CADPS2: variants seen among roughly 807,000 people sequenced by gnomAD.
CADPS2 encodes calcium dependent secretion activator 2, also known as calcium-dependent secretion activator 2.
Under a neutral mutation model 172.5 loss-of-function variants are expected in CADPS2, and 93 were observed. That is an observed-to-expected ratio of 0.54 (90% confidence interval 0.46 to 0.64). CADPS2 has a LOEUF of 0.64. CADPS2 is among the 30% of genes least tolerant of loss of function. The probability of loss-of-function intolerance (pLI) is 0.00; values close to 1 mark genes in which losing one functional copy is unlikely to be tolerated. For missense variants in CADPS2, 1,420 were observed against 1,565.9 expected, an observed-to-expected ratio of 0.91 and a Z score of 1.57; for synonymous variants, 546 against 555.2, an observed-to-expected ratio of 0.98 and a Z score of 0.23.
chr7:122,464,078 C>A (rs1363545934), intron 14 of CADPS2, among the ~76,000 whole-genome samples: 1 of 152,080 alleles, frequency 6.6e-6, no homozygotes, highest in Non-Finnish European at 1.5e-5. Context: ...CTCTAAAAAA[C>A]AAACAAACAA....
At chr7:122,793,948 A>T (rs1795823090) in intron 1 of CADPS2, among the ~76,000 whole-genome samples, 2 of 152,108 alleles carry the variant, frequency 1.3e-5, no homozygotes, top group African/African-American at 4.8e-5. Flanking sequence ...AATGTTGAGT[A>T]TTGACCCCCA....
At chr7:122,402,023 C>A (rs1486779490) in intron 20 of CADPS2, among the ~76,000 whole-genome samples, 10 of 152,142 alleles carry the variant, frequency 6.6e-5, no homozygotes, top group South Asian at 2.1e-4. Flanking sequence ...ACACCCCAGA[C>A]AGATGTTTTT....
At chr7:122,599,280 G>A (rs1418007983) in intron 6 of CADPS2, among the ~76,000 whole-genome samples, 1 of 152,066 alleles carries the variant, frequency 6.6e-6, no homozygotes, top group African/African-American at 2.4e-5. Context: ...AGCTGGAGAT[G>A]CAAGAGGTAC....
At chr7:122,558,975 A>C (rs1473084995) in intron 7 of CADPS2, among the ~76,000 whole-genome samples, 1 of 152,186 alleles carries the variant, frequency 6.6e-6, no homozygotes, top group Admixed American at 6.5e-5. Flanking sequence ...CAGACAATTC[A>C]CTACCTTCTC....
At chr7:122,634,818 T>C (rs1244637431) in intron 3 of CADPS2, among the ~76,000 whole-genome samples, 1 of 152,168 alleles carries the variant, frequency 6.6e-6, no homozygotes, top group Non-Finnish European at 1.5e-5. Flanking sequence ...TAACACTGCT[T>C]TAGCGGCATC....
chr7:122,862,997 CTTTT>C (rs763434648), intron 1 of CADPS2, among the ~76,000 whole-genome samples: 1 of 152,044 alleles, frequency 6.6e-6, no homozygotes, highest in African/African-American at 2.4e-5. Flanking sequence ...ACACTATTCT[CTTTT>C]TTTGACATTT....
At chr7:122,668,856 T>G (rs1272227410) in intron 2 of CADPS2, among the ~76,000 whole-genome samples, 3 of 152,216 alleles carry the variant, frequency 2.0e-5, no homozygotes, top group Admixed American at 1.3e-4. Flanking sequence ...CACCACTTTA[T>G]TCATCTGCCT....
At chr7:122,675,742 T>C (rs1428251410) in intron 2 of CADPS2, among the ~76,000 whole-genome samples, 2 of 151,984 alleles carry the variant, frequency 1.3e-5, no homozygotes, top group Non-Finnish European at 2.9e-5. Flanking sequence ...CACCATACAT[T>C]CTCACTCATA....
chr7:122,868,318 A>G (rs930981559), intron 1 of CADPS2, among the ~76,000 whole-genome samples: 1 of 152,260 alleles, frequency 6.6e-6, no homozygotes, highest in African/African-American at 2.4e-5. Context: ...GACCAAGAGT[A>G]CAAGATTCTT....
At chr7:122,420,695 C>T (rs1268417998) in intron 17 of CADPS2, among the ~76,000 whole-genome samples, 1 of 152,186 alleles carries the variant, frequency 6.6e-6, no homozygotes, top group African/African-American at 2.4e-5. Context: ...AGCTTCACAC[C>T]AAATTGCTGA....
At chr7:122,739,758 T>C (rs1323130952) in intron 1 of CADPS2, among the ~76,000 whole-genome samples, 1 of 152,144 alleles carries the variant, frequency 6.6e-6, no homozygotes, top group Non-Finnish European at 1.5e-5. Context: ...AAAAGAAAAC[T>C]AAACTTAAAA....
chr7:122,867,921 T>C (rs1264663660), intron 1 of CADPS2, among the ~76,000 whole-genome samples: 1 of 152,086 alleles, frequency 6.6e-6, no homozygotes, highest in African/African-American at 2.4e-5. Context: ...ATGGGCCTCT[T>C]CATACCTGAA....
intron 3 of CADPS2, among the ~76,000 whole-genome samples, chr7:122,640,490 C>G (rs7809458): frequency 0.23 from 33,102 of 146,010 alleles, 4,080 homozygotes; most frequent in African/African-American, 0.35. Context: ...CACACACACA[C>G]AGAGATAGAG....
intron 18 of CADPS2, among the ~76,000 whole-genome samples, chr7:122,415,328 G>A (rs1288563505): frequency 6.6e-6 from 1 of 152,054 alleles, no homozygotes; most frequent in Non-Finnish European, 1.5e-5. Flanking sequence ...TCATGGCATA[G>A]GGGGAAAAGC....
At chr7:122,432,108 T>A (rs2050013870) in intron 17 of CADPS2, among the ~76,000 whole-genome samples, 1 of 152,150 alleles carries the variant, frequency 6.6e-6, no homozygotes. Flanking sequence ...GAGGTGTTTA[T>A]CATAAAATGT....
intron 1 of CADPS2, among the ~76,000 whole-genome samples, chr7:122,858,815 C>T (rs1216374854): frequency 6.6e-6 from 1 of 152,106 alleles, no homozygotes; most frequent in African/African-American, 2.4e-5. Context: ...AGTGAGGTCC[C>T]TGGTAAGAAC....
At chr7:122,682,971 C>T (rs148040989) in intron 2 of CADPS2, among the ~76,000 whole-genome samples, 145 of 152,336 alleles carry the variant, frequency 9.5e-4, no homozygotes, top group African/African-American at 3.3e-3. Flanking sequence ...ATTGCTGGAA[C>T]GGCCAGTTGC....
intron 22 of CADPS2, among the ~76,000 whole-genome samples, chr7:122,392,349 A>G (rs1382911507): frequency 3.3e-5 from 5 of 152,096 alleles, no homozygotes; most frequent in Non-Finnish European, 7.4e-5. Context: ...TGCCAATAGT[A>G]CTAATAATTT....
chr7:122,834,062 A>G (rs990106923), intron 1 of CADPS2, among the ~76,000 whole-genome samples: 4 of 152,200 alleles, frequency 2.6e-5, no homozygotes, highest in Admixed American at 6.5e-5. Context: ...AACAACTTAA[A>G]AAACAGGTTT....
Sources: allele counts gnomAD v4.1 joint callset (sites outside exome capture counted in the v4.1 genomes callset), GRCh38; gene constraint gnomAD v4.1.1; transcripts MANE v1.5; gene names NCBI Gene and HGNC (gene_info 2026-07-23, HGNC 2026-07-21).